The following MAP2K1 variants were observed in gnomAD, a reference collection of about 807,000 sequenced individuals.
MAP2K1 encodes the protein dual specificity mitogen-activated protein kinase kinase 1.
Under a neutral mutation model 46.3 loss-of-function variants are expected in MAP2K1, and 16 were observed. That is an observed-to-expected ratio of 0.35 (90% CI 0.23 to 0.52). The LOEUF is 0.52. Among genes scored for constraint, MAP2K1 ranks in the 20% least tolerant of loss-of-function variants. The pLI is 0.94. For missense variants in MAP2K1, 263 were observed against 497.1 expected (o/e 0.53, Z 4.48); for synonymous variants, 183 against 185.6 (o/e 0.99, Z 0.11).
At chr15:66,457,914 G>A (rs1692588869) in intron 5 of MAP2K1, among the ~76,000 whole-genome samples, 1 of 150,710 alleles carries the variant, frequency 6.6e-6, no homozygotes. Flanking sequence ...AGTGAGCCGA[G>A]ATCGTGTCAC....
At chr15:66,434,031 C>A (rs1347069) in intron 1 of MAP2K1, among the ~76,000 whole-genome samples, 1 of 152,118 alleles carries the variant, frequency 6.6e-6, no homozygotes, top group Non-Finnish European at 1.5e-5. Context: ...TTACCAAGAG[C>A]CAGCTTGTTC....
In MAP2K1 at chr15:66,490,486, G is replaced by A. The variant is rs146942812; in HGVS notation, c.1069-16G>A. ...TTTCTTTTTAACACCACGTCCTCTC[G>A]TTTCCTTACATGCAGGTTCATGCTT... On this transcript the variant is annotated splice_polypyrimidine_tract_variant and intron_variant, in intron 10 of 10. Transcript: ENST00000307102. 224 of 1,574,026 alleles carry A rather than the reference G, an allele frequency of 1.4e-4. No homozygotes were observed. The African/African-American group carries it at 2.3e-3, about 16-fold the overall frequency.
intron 5 of MAP2K1, among the ~76,000 whole-genome samples, chr15:66,478,872 A>T (rs1892846423): frequency 6.6e-6 from 1 of 152,158 alleles, no homozygotes; most frequent in Admixed American, 6.5e-5. Flanking sequence ...TTTAAGCTTC[A>T]TGACAGTGGG....
chr15:66,466,416 C>T (rs929398659), intron 5 of MAP2K1, among the ~76,000 whole-genome samples: 15 of 151,826 alleles, frequency 9.9e-5, no homozygotes, highest in Non-Finnish European at 2.2e-4. Flanking sequence ...TGGTGGCTCA[C>T]GCCTGTAATC....
At chr15:66,428,507 C>T (rs1191729874) in intron 1 of MAP2K1, among the ~76,000 whole-genome samples, 1 of 152,046 alleles carries the variant, frequency 6.6e-6, no homozygotes, top group Non-Finnish European at 1.5e-5. Context: ...AGTCTTTGTT[C>T]TCTTAAGGTT....
At chr15:66,431,035 G>A (rs987397171) in intron 1 of MAP2K1, among the ~76,000 whole-genome samples, 1 of 152,224 alleles carries the variant, frequency 6.6e-6, no homozygotes, top group Non-Finnish European at 1.5e-5. Context: ...CATGGTGAAT[G>A]TGATGGAGGT....
At chr15:66,460,152 A>T (rs563441633) in intron 5 of MAP2K1, among the ~76,000 whole-genome samples, 19 of 152,370 alleles carry the variant, frequency 1.2e-4, no homozygotes, top group African/African-American at 4.3e-4. Flanking sequence ...ACTGTGTCAG[A>T]CTGCCCTGCC....
chr15:66,411,410 T>A (rs749249684), intron 1 of MAP2K1, among the ~76,000 whole-genome samples: 2 of 152,028 alleles, frequency 1.3e-5, no homozygotes, highest in Non-Finnish European at 2.9e-5. Context: ...AACCAGTGGG[T>A]AAATGAGAGC....
chr15:66,395,333 C>G (rs1213035994), intron 1 of MAP2K1, among the ~76,000 whole-genome samples: 2 of 152,112 alleles, frequency 1.3e-5, no homozygotes, highest in Non-Finnish European at 2.9e-5. Context: ...CTGTGGGTAA[C>G]TGGAATTGTC....
intron 1 of MAP2K1, among the ~76,000 whole-genome samples, chr15:66,423,238 A>G (rs1460794558): frequency 9.9e-5 from 15 of 152,100 alleles, no homozygotes; most frequent in Admixed American, 9.2e-4. Context: ...TTCTATTTTT[A>G]GTTTTCACCT....
At chr15:66,483,995 A>G (rs774992840) in intron 6 of MAP2K1, among the ~76,000 whole-genome samples, 5 of 151,798 alleles carry the variant, frequency 3.3e-5, no homozygotes, top group Admixed American at 2.6e-4. Context: ...TGATCCACCC[A>G]CCTCGGCCTC....
chr15:66,395,452 A>G (rs994572230), intron 1 of MAP2K1, among the ~76,000 whole-genome samples: 1 of 149,702 alleles, frequency 6.7e-6, no homozygotes, highest in Non-Finnish European at 1.5e-5. Context: ...TCCACTTACC[A>G]CTTTCTTTAC....
At chr15:66,439,714 TGA>T (rs1167419252) in intron 3 of MAP2K1, among the ~76,000 whole-genome samples, 1 of 151,920 alleles carries the variant, frequency 6.6e-6, no homozygotes, top group Non-Finnish European at 1.5e-5. Context: ...TGTGGTGAGC[TGA>T]GATTGTGTCA....
rs73469980 is a variant in MAP2K1 at position 66,389,440 on chromosome 15, A to T, written c.80+2013A>T. Among the ~76,000 whole-genome samples the T allele has an allele frequency of 8.5e-3, 1,298 of 152,308 alleles. 29 individuals carry two copies. The highest frequency in any genetic ancestry group is 0.03 in the African/African-American group (1,236 of 41,574). ...GGAGGAGGAATTTCATTAAAACAGT[A>T]AAAGCAGGATGAGAAGAAACTACCC... On this transcript the variant is annotated intron_variant, in intron 1 of 10. Coordinates refer to ENST00000307102, the MANE Select transcript of MAP2K1 (RefSeq NM_002755.4).
intron 1 of MAP2K1, among the ~76,000 whole-genome samples, chr15:66,423,676 C>T (rs370176127): frequency 4.8e-4 from 67 of 138,858 alleles, no homozygotes; most frequent in Non-Finnish European, 7.7e-4. Context: ...GGCGCAATCT[C>T]GGCTCACGGC....
At chr15:66,430,650 T>A (rs1171270377) in intron 1 of MAP2K1, among the ~76,000 whole-genome samples, 1 of 152,192 alleles carries the variant, frequency 6.6e-6, no homozygotes, top group African/African-American at 2.4e-5. Flanking sequence ...AACTTGTCCC[T>A]TTGGGCCTCA....
intron 1 of MAP2K1, among the ~76,000 whole-genome samples, chr15:66,388,183 A>G (rs1229595499): frequency 6.6e-6 from 1 of 152,174 alleles, no homozygotes; most frequent in Non-Finnish European, 1.5e-5. Context: ...TAGGTGCTCC[A>G]TCTCTGCAGC....
intron 9 of MAP2K1, 59 bp downstream of exon 9, chr15:66,489,335 C>T: frequency 4.7e-6 from 7 of 1,480,626 alleles, no homozygotes; most frequent in South Asian, 1.1e-5. Flanking sequence ...GCTCCCCACC[C>T]CATTTCTGGA....
At chr15:66,448,013 C>T (rs537448101) in intron 5 of MAP2K1, among the ~76,000 whole-genome samples, 25 of 151,826 alleles carry the variant, frequency 1.6e-4, no homozygotes, top group East Asian at 7.8e-4. Flanking sequence ...ATTAGCCAGG[C>T]GTGGTGGCAC....
Sources: gnomAD v4.1 joint callset for allele counts (sites outside exome capture counted in the v4.1 genomes callset) on GRCh38, gnomAD v4.1.1 for gene constraint, MANE v1.5 for transcripts, NCBI Gene and HGNC (gene_info 2026-07-23, HGNC 2026-07-21) for gene names.